The following ZNF236 variants were observed in gnomAD, a reference collection of about 807,000 sequenced individuals.
ZNF236 encodes regulated by glucose.
A neutral mutation model predicts 191.2 loss-of-function variants in ZNF236; 50 were observed. The observed-to-expected ratio is 0.26, with a 90% confidence interval of 0.21 to 0.33. The LOEUF (loss-of-function observed/expected upper bound fraction) is 0.33. Among genes scored for constraint, ZNF236 ranks in the 10% least tolerant of loss-of-function variants. The pLI is 1.00. For missense variants in ZNF236, 1,754 were observed against 2,374.5 expected (o/e 0.74, Z 5.43); for synonymous variants, 907 against 928.8 (o/e 0.98, Z 0.43).
At chr18:76,842,139 CT>C (rs1975524204) in intron 1 of ZNF236, among the ~76,000 whole-genome samples, 1 of 152,118 alleles carries the variant, frequency 6.6e-6, no homozygotes, top group Admixed American at 6.5e-5. Context: ...TACTAAGTGG[CT>C]TAATTTCTCT....
chr18:76,826,095 A>G (rs1975009838), intron 1 of ZNF236, among the ~76,000 whole-genome samples: 1 of 151,874 alleles, frequency 6.6e-6, no homozygotes, highest in Non-Finnish European at 1.5e-5. Context: ...AGATAGGGGA[A>G]TGAAGCTCAG....
chr18:76,824,368 G>A (rs1320126163), intron 1 of ZNF236: 1 of 781,096 alleles, frequency 1.3e-6, no homozygotes, highest in East Asian at 2.4e-5. Flanking sequence ...ATGGGCCTTT[G>A]TGGGCTGCTG....
intron 11 of ZNF236, among the ~76,000 whole-genome samples, chr18:76,902,360 G>C (rs182418750): frequency 8.7e-4 from 133 of 152,320 alleles, no homozygotes; most frequent in Non-Finnish European, 1.6e-3. Context: ...GCATAGAATA[G>C]TGTTATGAGA....
chr18:76,867,908 T>G (rs1976460773), intron 3 of ZNF236, among the ~76,000 whole-genome samples: 1 of 152,000 alleles, frequency 6.6e-6, no homozygotes, highest in South Asian at 2.1e-4. Flanking sequence ...GACCCAGCTG[T>G]AGAACATCTA....
rs200242611 is a variant in ZNF236, at chr18:76,913,755, A to G, written c.2918A>G (p.Tyr973Cys). 110 of 1,614,142 alleles carry G rather than the reference A, an allele frequency of 6.8e-5. No individual in the cohort carries two copies. The highest frequency in any genetic ancestry group is 3.2e-4 in the Admixed American group (19 of 60,024). Residue 973 changes from tyrosine (Y) to cysteine (C), a missense_variant, in exon 18 of 31, where the codon TAT becomes TGT. Tyr to Cys is a radical substitution (Grantham distance 194, BLOSUM62 -2). Coordinates refer to ENST00000320610, the MANE Select transcript of ZNF236 (RefSeq NM_001306089.2). Reference sequence around the variant, plus strand: ...GTATGTTTGCTTTGTAGGTGTGACTATTGCAACAAAGGCTTTAAGAAGTCC... The same window carrying G: ...GTATGTTTGCTTTGTAGGTGTGACTGTTGCAACAAAGGCTTTAAGAAGTCC... The part of the protein sequence containing the change: ...DQSRRSYRCD[Y>C]CNKGFKKSSH...
chr18:76,909,589 T>C (rs1044301473), intron 14 of ZNF236, among the ~76,000 whole-genome samples: 2 of 152,178 alleles, frequency 1.3e-5, no homozygotes, highest in Non-Finnish European at 2.9e-5. Context: ...AAACACAATG[T>C]CAGGTCAACT....
intron 22 of ZNF236, among the ~76,000 whole-genome samples, chr18:76,926,653 G>A (rs1568233747): frequency 1.4e-5 from 2 of 147,172 alleles, no homozygotes; most frequent in African/African-American, 2.5e-5. Context: ...TGGTATAAAG[G>A]GTGATTAGAC....
chr18:76,955,909 C>T (rs1568246527), intron 27 of ZNF236, 76 bp from the exon 28 acceptor site: 3 of 1,478,616 alleles, frequency 2.0e-6, no homozygotes, highest in Non-Finnish European at 2.8e-6. Flanking sequence ...CTCTTATCAC[C>T]ACGGTGTGTG....
chr18:76,871,779 G>A lies in ZNF236; in HGVS notation c.621G>A (p.Thr207=), dbSNP rs374005856. 16 of 1,614,194 alleles carry A rather than the reference G, an allele frequency of 9.9e-6. No homozygotes were observed. In the African/African-American group the frequency reaches 1.1e-4, roughly 11 times the overall value. ...FTYSCPHCGK[T]FQKPSQLTRH... ...ATTCGTGTCCGCACTGTGGAAAGAC[G>A]TTTCAAAAGCCAAGCCAGTTAACGC... Residue 207 remains threonine (T), a synonymous_variant, in exon 5 of 31, where the codon ACG becomes ACA. Transcript: ENST00000320610.
At chr18:76,825,027 A>T (rs1974977334) in intron 1 of ZNF236, among the ~76,000 whole-genome samples, 1 of 152,158 alleles carries the variant, frequency 6.6e-6, no homozygotes, top group African/African-American at 2.4e-5. Context: ...ACAGAAACCC[A>T]TTCCTCCAGG....
chr18:76,962,560 C>A (rs1968690775), intron 30 of ZNF236, among the ~76,000 whole-genome samples: 2 of 152,044 alleles, frequency 1.3e-5, no homozygotes, highest in Non-Finnish European at 2.9e-5. Flanking sequence ...GATTCCATAT[C>A]AATTTTAGAA....
intron 3 of ZNF236, among the ~76,000 whole-genome samples, chr18:76,864,849 C>T (rs528477741): frequency 1.3e-5 from 2 of 151,750 alleles, no homozygotes; most frequent in South Asian, 4.2e-4. Context: ...AGCACAATCT[C>T]CAAGAATGCC....
rs575196455 is a variant in ZNF236 at position 76,925,423 on chromosome 18, ACCT to A, written c.3901_3903del (p.Leu1301del). On this transcript the variant is annotated inframe_deletion, in exon 22 of 31. Coordinates refer to ENST00000320610, the MANE Select transcript of ZNF236 (RefSeq NM_001306089.2). This position sits in a 1 kb window ranked among gnomAD's most constrained non-coding sequence, Gnocchi z 5.7. ...TCATCGGAAGGACTGCAGCCTGTAA[ACCT>A]CCTCAACTCCTCCTCTACTGACCCA... 2.2e-4 allele frequency: 354 copies of A among 1,613,952 alleles called. 2 individuals are homozygous for A. The highest frequency in any genetic ancestry group is 2.4e-5 in the Non-Finnish European group (28 of 1,179,994).
intron 9 of ZNF236, among the ~76,000 whole-genome samples, chr18:76,881,725 G>C (rs755348107): frequency 1.3e-5 from 2 of 152,280 alleles, no homozygotes; most frequent in South Asian, 4.1e-4. Flanking sequence ...CTTCTTTCCT[G>C]TATTCAGTTT....
chr18:76,828,869 G>A lies in ZNF236; in HGVS notation c.55+6207G>A, dbSNP rs925812956. Among the ~76,000 whole-genome samples, 12 of 152,258 alleles carry A rather than the reference G, an allele frequency of 7.9e-5. No homozygotes were observed. In the South Asian group the frequency reaches 2.5e-3, roughly 32 times the overall value. ...TTTAGTAGAGACGGGGTTTCACCATGTTGCCCAGGCTGGTCTTGAACTCCT... is the reference window on the plus strand; with the variant it reads ...TTTAGTAGAGACGGGGTTTCACCATATTGCCCAGGCTGGTCTTGAACTCCT... On this transcript the variant is annotated intron_variant, in intron 1 of 30. Transcript: ENST00000320610.
intron 9 of ZNF236, among the ~76,000 whole-genome samples, chr18:76,893,877 C>G (rs1199592209): frequency 6.6e-6 from 1 of 152,184 alleles, no homozygotes; most frequent in South Asian, 2.1e-4. Context: ...TGGTTTCTAT[C>G]TTTACAGATT....
Position 76,960,919 on chromosome 18 carries a change from A to G in ZNF236, c.5419+64A>G. On this transcript the variant is annotated intron_variant, in intron 30 of 30. Transcript: ENST00000320610. The surrounding 1 kb of genome is among the most constrained non-coding windows in gnomAD (Gnocchi z 4.4). ...GCCTGCGAGGCACCCTGTGTTTCGC[A>G]TACATTGTTTCCTTTAGTTCACACA... is the stretch of plus-strand genomic sequence containing the variant. 1 of 1,506,484 alleles carries G rather than the reference A, an allele frequency of 6.6e-7. No individual in the cohort carries two copies. The highest frequency in any genetic ancestry group is 8.9e-7 in the Non-Finnish European group (1 of 1,122,582). 93.3% of individuals were successfully genotyped at this position (1,506,484 alleles called of 1,614,324 possible).
At chr18:76,889,539 G>A (rs1977165769) in intron 9 of ZNF236, among the ~76,000 whole-genome samples, 2 of 152,090 alleles carry the variant, frequency 1.3e-5, no homozygotes, top group Non-Finnish European at 2.9e-5. Flanking sequence ...GGACCTCACT[G>A]GCCATCTGGT....
chr18:76,960,636 AT>A lies in ZNF236; in HGVS notation c.5243-42del, dbSNP rs760248348. On this transcript the variant is annotated intron_variant, in intron 29 of 30. Coordinates refer to ENST00000320610, the MANE Select transcript of ZNF236 (RefSeq NM_001306089.2). The surrounding 1 kb of genome is among the most constrained non-coding windows in gnomAD (Gnocchi z 4.4). Reference sequence around the variant, plus strand: ...TCAGGGTAGAGCCCAGGCATCCACTATACTTTTCTTAGAGACATTGACATAT... The same window carrying A: ...TCAGGGTAGAGCCCAGGCATCCACTAACTTTTCTTAGAGACATTGACATAT... 9.0e-5 allele frequency: 145 copies of A among 1,611,732 alleles called. No individual in the cohort carries two copies. Among genetic ancestry groups the A allele is most frequent in the Non-Finnish European group, 1.2e-4 (143 of 1,178,210 alleles).
Sources: allele counts gnomAD v4.1 joint callset (sites outside exome capture counted in the v4.1 genomes callset), GRCh38; gene constraint gnomAD v4.1.1; non-coding constraint Gnocchi (gnomAD v3.1); transcripts MANE v1.5; gene names NCBI Gene and HGNC (gene_info 2026-07-23, HGNC 2026-07-21).